The following TNR variants were observed in gnomAD, a reference collection of about 807,000 sequenced individuals.
TNR encodes tenascin R, also known as tenascin-R.
TNR carries 45 observed loss-of-function variants against 150.4 expected under a neutral mutation model. The ratio of observed to expected loss-of-function variants is 0.30; its 90% CI spans 0.24 to 0.38. The LOEUF (loss-of-function observed/expected upper bound fraction) is 0.38. TNR is among the 10% of genes least tolerant of loss of function. The pLI is 1.00. For missense variants in TNR, 1,544 were observed against 1,759.1 expected, an observed-to-expected ratio of 0.88 and a Z score of 2.19; for synonymous variants, 687 against 678.4, an observed-to-expected ratio of 1.01 and a Z score of -0.20.
At position 175,574,474 on chromosome 1, in the gene TNR, A is replaced by G. The variant is rs955266863; in HGVS notation, c.-164-46105T>C. The stretch of plus-strand genomic sequence containing the variant: ...CCTCAGGTCTTTCCCTCCAATCCCC[A>G]CTACCAAGAGTTGCATCAAACATGA... On this transcript the variant is annotated intron_variant, in intron 1 of 22. Coordinates refer to ENST00000367674, the MANE Select transcript of TNR (RefSeq NM_003285.3). Among the ~76,000 whole-genome samples the G allele has an allele frequency of 6.6e-5, 10 of 152,214 alleles. No homozygotes were observed. The East Asian group carries it at 1.9e-3, about 29-fold the overall frequency.
chr1:175,660,057 G>A (rs564210586), intron 1 of TNR, among the ~76,000 whole-genome samples: 3 of 152,070 alleles, frequency 2.0e-5, no homozygotes, highest in Non-Finnish European at 4.4e-5. Context: ...GAAATAGTGT[G>A]GGTGAATTCA....
intron 9 of TNR, among the ~76,000 whole-genome samples, chr1:175,369,294 G>A (rs569571744): frequency 6.6e-6 from 1 of 152,252 alleles, no homozygotes; most frequent in South Asian, 2.1e-4. Flanking sequence ...TCTGAAGTCT[G>A]GAAGTCCGAA....
chr1:175,454,155 A>G (rs1656452572), intron 2 of TNR, among the ~76,000 whole-genome samples: 1 of 152,180 alleles, frequency 6.6e-6, no homozygotes, highest in African/African-American at 2.4e-5. Context: ...GGGTTTTAGT[A>G]GACAGAGCTC....
At chr1:175,561,511 T>C (rs1421339411) in intron 1 of TNR, among the ~76,000 whole-genome samples, 1 of 152,238 alleles carries the variant, frequency 6.6e-6, no homozygotes, top group Admixed American at 6.5e-5. Context: ...CATGAATTAA[T>C]GGATGCAAGA....
At chr1:175,526,419 T>C (rs1571562326) in intron 2 of TNR, among the ~76,000 whole-genome samples, 1 of 151,840 alleles carries the variant, frequency 6.6e-6, no homozygotes. Flanking sequence ...TGAAAATGCA[T>C]GATCATGGAG....
intron 5 of TNR, among the ~76,000 whole-genome samples, chr1:175,394,531 C>T (rs116617432): frequency 0.012 from 1,754 of 152,270 alleles, 34 homozygotes; most frequent in African/African-American, 0.041. Flanking sequence ...CCCTTCTCCC[C>T]CAACCACACA....
chr1:175,612,875 G>A lies in TNR; in HGVS notation c.-164-84506C>T, dbSNP rs1296908464. Among the ~76,000 whole-genome samples, 3 of 152,300 alleles carry A rather than the reference G, an allele frequency of 2.0e-5. No individual in the cohort carries two copies. The East Asian group carries it at 5.8e-4, about 29-fold the overall frequency. ...TCATTTACTCAACAAATATTCAAAT[G>A]TTTTTCATGTGTCTGGCATTGTGCT... On this transcript the variant is annotated intron_variant, in intron 1 of 22. Transcript: ENST00000367674.
intron 2 of TNR, among the ~76,000 whole-genome samples, chr1:175,517,074 T>G (rs1442225630): frequency 1.5e-5 from 2 of 134,862 alleles, no homozygotes; most frequent in Non-Finnish European, 3.1e-5. Flanking sequence ...AGAGAGACCT[T>G]CAAATACAGC....
At chr1:175,400,859 G>A (rs1653675151) in intron 4 of TNR, among the ~76,000 whole-genome samples, 1 of 152,140 alleles carries the variant, frequency 6.6e-6, no homozygotes, top group Non-Finnish European at 1.5e-5. Context: ...AAGCAAAGGA[G>A]CACTTTAGAT....
intron 1 of TNR, among the ~76,000 whole-genome samples, chr1:175,549,164 A>AG (rs1660836029): frequency 6.6e-6 from 1 of 152,198 alleles, no homozygotes; most frequent in Non-Finnish European, 1.5e-5. Flanking sequence ...GAGCCCACTG[A>AG]GGGTCTGCTT....
In TNR at chr1:175,560,164, T is replaced by C. The variant is rs1405505807; in HGVS notation, c.-164-31795A>G. Reference sequence around the variant, plus strand: ...ACCTGCTCAGCTTTTGTTTTAAGCCTGAATGCAGAACTTTAGTTCTACCCC... The same window carrying C: ...ACCTGCTCAGCTTTTGTTTTAAGCCCGAATGCAGAACTTTAGTTCTACCCC... On this transcript the variant is annotated intron_variant, in intron 1 of 22. Coordinates refer to ENST00000367674, the MANE Select transcript of TNR (RefSeq NM_003285.3). 2.0e-5 allele frequency among the ~76,000 whole-genome samples: 3 copies of C among 152,260 alleles called. No homozygotes were observed. The East Asian group carries it at 5.8e-4, about 29-fold the overall frequency.
intron 7 of TNR, among the ~76,000 whole-genome samples, chr1:175,390,418 T>C (rs879388555): frequency 6.6e-6 from 1 of 152,216 alleles, no homozygotes; most frequent in Non-Finnish European, 1.5e-5. Context: ...TTCAGCTCCA[T>C]CAACAATAAA....
chr1:175,380,929 A>G (rs1327621685), intron 8 of TNR, among the ~76,000 whole-genome samples: 1 of 152,202 alleles, frequency 6.6e-6, no homozygotes, highest in Non-Finnish European at 1.5e-5. Flanking sequence ...GTTTCCACCA[A>G]TTGTTCTTGT....
At chr1:175,628,291 C>T (rs1251190689) in intron 1 of TNR, among the ~76,000 whole-genome samples, 1 of 152,104 alleles carries the variant, frequency 6.6e-6, no homozygotes, top group Admixed American at 6.5e-5. Flanking sequence ...CCTACAGGTT[C>T]CTAGAGCCTT....
intron 1 of TNR, among the ~76,000 whole-genome samples, chr1:175,646,633 A>C (rs1157326472): frequency 1.3e-5 from 2 of 152,214 alleles, no homozygotes; most frequent in African/African-American, 4.8e-5. Context: ...CTACAGGCCA[A>C]ATTGGGCCTG....
In TNR at chr1:175,393,316, T is replaced by C. The variant is rs181967368; in HGVS notation, c.1356+464A>G. ...GCCAAGGTGTTTTGTTTTATGTCTG[T>C]AACCTTTAGGGATTGATGCCATGCA... is the stretch of plus-strand genomic sequence containing the variant. On this transcript the variant is annotated intron_variant, in intron 6 of 22. Coordinates refer to ENST00000367674, the MANE Select transcript of TNR (RefSeq NM_003285.3). Among the ~76,000 whole-genome samples the C allele has an allele frequency of 2.0e-5, 3 of 152,340 alleles. No homozygotes were observed. In the East Asian group the frequency reaches 5.8e-4, roughly 29 times the overall value.
intron 1 of TNR, among the ~76,000 whole-genome samples, chr1:175,661,796 C>T (rs1378906454): frequency 3.2e-5 from 2 of 61,572 alleles, no homozygotes; most frequent in African/African-American, 4.5e-5. Context: ...TCCCTCCCCC[C>T]TCCCCCCACC....
intron 18 of TNR, among the ~76,000 whole-genome samples, chr1:175,338,946 G>A (rs891086103): frequency 6.6e-6 from 1 of 152,194 alleles, no homozygotes; most frequent in Admixed American, 6.5e-5. Flanking sequence ...ACCCGTCGAG[G>A]GCGCACTGGC....
At chr1:175,574,733 T>C (rs1662032842) in intron 1 of TNR, among the ~76,000 whole-genome samples, 1 of 152,204 alleles carries the variant, frequency 6.6e-6, no homozygotes, top group African/African-American at 2.4e-5. Context: ...TAAGCAACAC[T>C]GACCCTTGTG....
Sources: gnomAD v4.1 joint callset for allele counts (sites outside exome capture counted in the v4.1 genomes callset) on GRCh38, gnomAD v4.1.1 for gene constraint, MANE v1.5 for transcripts, NCBI Gene and HGNC (gene_info 2026-07-23, HGNC 2026-07-21) for gene names.